EOGT: variants seen among roughly 807,000 people sequenced by gnomAD.
The protein encoded by EOGT is EGF domain-specific O-linked N-acetylglucosamine transferase.
Under a neutral mutation model 70.5 loss-of-function variants are expected in EOGT, and 55 were observed. The ratio of observed to expected loss-of-function variants is 0.78; its 90% CI spans 0.63 to 0.98. EOGT has a LOEUF of 0.98. EOGT is among the 50% of genes least tolerant of loss of function. EOGT has a pLI of 0.00. For synonymous variants in EOGT, 246 were observed against 217.1 expected (o/e 1.13, Z -1.17); for missense variants, 703 against 641.9 (o/e 1.10, Z -1.03).
chr3:68,982,899 A>G (rs770283097), intron 14 of EOGT, 27 bp from the exon 15 acceptor site: 7 of 1,574,090 alleles, frequency 4.4e-6, no homozygotes, highest in Non-Finnish European at 6.1e-6. Flanking sequence ...AACATTTAGC[A>G]TTTCTTTTCC....
At chr3:68,989,282 C>T (rs1389297463) in intron 10 of EOGT, among the ~76,000 whole-genome samples, 1 of 152,154 alleles carries the variant, frequency 6.6e-6, no homozygotes, top group African/African-American at 2.4e-5. Flanking sequence ...CTTTTATTCT[C>T]ACATCTTTGT....
intron 14 of EOGT, 104 bp downstream of exon 14, chr3:68,987,341 T>C (rs1351500311): frequency 7.9e-6 from 7 of 888,956 alleles, no homozygotes; most frequent in Non-Finnish European, 1.2e-5. Flanking sequence ...TTCTCAAAAC[T>C]AAGTTTTAAA....
rs1224938599 is a variant in EOGT, at chr3:68,987,498, C to G, written c.1099G>C (p.Val367Leu). 2 of 1,613,596 alleles carry G rather than the reference C, an allele frequency of 1.2e-6. No homozygotes were observed. Among genetic ancestry groups the G allele is most frequent in the Admixed American group, 1.7e-5 (1 of 59,948 alleles). Reference sequence around the variant, plus strand: ...TCTGTGCTCCGTGCAAGAATGGTGACTCGAATTTTTCCATCCTGTAATCAA... The same window carrying G: ...TCTGTGCTCCGTGCAAGAATGGTGAGTCGAATTTTTCCATCCTGTAATCAA... ...QEGPKDGKIR[V>L]TILARSTEYR... Residue 367 changes from valine (V) to leucine (L), a missense_variant, in exon 14 of 18, where the codon GTC becomes CTC. By Grantham distance (32) the Val-to-Leu change is conservative (BLOSUM62 1). Transcript: ENST00000383701.
chr3:68,978,560 GA>G, intron 16 of EOGT, 125 bp from the exon 17 acceptor site: 1 of 606,128 alleles, frequency 1.6e-6, no homozygotes, highest in African/African-American at 1.9e-5. Flanking sequence ...CAAGACTGAG[GA>G]AGACAGTAAA....
At chr3:68,980,276 T>A (rs1018990720) in intron 15 of EOGT, among the ~76,000 whole-genome samples, 3 of 152,218 alleles carry the variant, frequency 2.0e-5, no homozygotes, top group Non-Finnish European at 4.4e-5. Flanking sequence ...AAGCACTTTT[T>A]AAAAAGAAAC....
chr3:68,996,513 C>T (rs1041121224), intron 10 of EOGT, among the ~76,000 whole-genome samples: 4 of 152,204 alleles, frequency 2.6e-5, no homozygotes, highest in Admixed American at 6.5e-5. Context: ...TCCCTGAGTA[C>T]GCTGACTCCT....
chr3:69,003,714 T>A lies in EOGT; in HGVS notation c.620+664A>T, dbSNP rs185846547. Among the ~76,000 whole-genome samples the A allele has an allele frequency of 1.2e-3, 178 of 152,300 alleles. 1 individual carries two copies. The highest frequency in any genetic ancestry group is 4.2e-3 in the African/African-American group (174 of 41,560). ...AATGATGTTAACAGTCAGAGTAGCA[T>A]CTACCTTTGGAGAGGGGGATGGGGG... On this transcript the variant is annotated intron_variant, in intron 8 of 17. Transcript: ENST00000383701.
chr3:68,977,897 A>C, intron 17 of EOGT, 133 bp from the exon 18 acceptor site: 1 of 833,498 alleles, frequency 1.2e-6, no homozygotes, highest in South Asian at 1.9e-5. Context: ...ACTTTTCCTG[A>C]TAAGGGCCAG....
chr3:68,977,551 G>A lies in EOGT; in HGVS notation c.*67C>T, dbSNP rs1559581700. The stretch of plus-strand genomic sequence containing the variant: ...ATAGGAAATAACAGATTGCTTTACT[G>A]ATTTAATTCTAAGTCTGGGTGTTGG... On this transcript the variant is annotated 3_prime_UTR_variant, in exon 18 of 18. Transcript: ENST00000383701. The A allele has an allele frequency of 6.5e-7, 1 of 1,527,574 alleles. No individual in the cohort carries two copies. Among genetic ancestry groups the A allele is most frequent in the Non-Finnish European group, 9.0e-7 (1 of 1,113,048 alleles). The allele number at this position is 1,527,574 out of a possible 1,614,324, so 94.6% of individuals were successfully genotyped here. A position where few individuals can be genotyped will look rare whatever the true frequency, so the allele number is the denominator to read the frequency against.
rs375321799 is a variant in EOGT, at chr3:68,998,118, G to C, written c.728-4C>G. On this transcript the variant is annotated splice_polypyrimidine_tract_variant and splice_region_variant and intron_variant, in intron 9 of 17. Coordinates refer to ENST00000383701, the MANE Select transcript of EOGT (RefSeq NM_001278689.2). ...AAGTGGTGATACATGTTAACACCTAGTGTTGGAAAATGAAACTACATTAAT... is the reference window on the plus strand; with the variant it reads ...AAGTGGTGATACATGTTAACACCTACTGTTGGAAAATGAAACTACATTAAT... 1.8e-5 allele frequency: 27 copies of C among 1,498,976 alleles called. No individual in the cohort carries two copies. The highest frequency in any genetic ancestry group is 2.4e-5 in the Non-Finnish European group (26 of 1,086,082). The allele number at this position is 1,498,976 out of a possible 1,614,324, so 92.9% of individuals were successfully genotyped here.
chr3:69,007,512 G>C (rs549855932), intron 6 of EOGT, among the ~76,000 whole-genome samples: 2 of 60,432 alleles, frequency 3.3e-5, no homozygotes, highest in East Asian at 1.6e-3. Flanking sequence ...ATTAGCGGGG[G>C]GGGGTGGCAC....
At position 68,977,567 on chromosome 3, in the gene EOGT, TGGGTGTTGG is replaced by T; in HGVS notation, c.*42_*50del. On this transcript the variant is annotated 3_prime_UTR_variant, in exon 18 of 18. Transcript: ENST00000383701. ...TGCTTTACTGATTTAATTCTAAGTC[TGGGTGTTGG>T]AGTGTTTAAACACTCTCTTTTTGCA... The T allele has an allele frequency of 1.3e-6, 2 of 1,576,918 alleles. No homozygotes were observed. Among genetic ancestry groups the T allele is most frequent in the Non-Finnish European group, 1.7e-6 (2 of 1,156,268 alleles).
chr3:68,989,597 A>G (rs776999476), intron 10 of EOGT, among the ~76,000 whole-genome samples: 1 of 151,842 alleles, frequency 6.6e-6, no homozygotes, highest in African/African-American at 2.4e-5. Flanking sequence ...AAAATACAAA[A>G]ATTAGCCAGG....
intron 14 of EOGT, among the ~76,000 whole-genome samples, chr3:68,983,624 C>T (rs9813933): frequency 0.01 from 1,557 of 152,314 alleles, 26 homozygotes; most frequent in African/African-American, 0.036. Flanking sequence ...ATGGTGCTGG[C>T]ATTTCTAAGA....
At chr3:69,007,689 T>C (rs1436295708) in intron 6 of EOGT, 24 bp downstream of exon 6, 6 of 1,416,290 alleles carry the variant, frequency 4.2e-6, no homozygotes, top group Non-Finnish European at 5.9e-6. Flanking sequence ...AACAAGTTTA[T>C]TTAGTAAGGA....
chr3:69,008,554 T>C lies in EOGT; in HGVS notation c.211-26A>G. 2.0e-6 allele frequency: 3 copies of C among 1,524,444 alleles called. No individual in the cohort carries two copies. The Middle Eastern group carries it at 5.1e-4, about 260-fold the overall frequency. 94.4% of individuals were successfully genotyped at this position (1,524,444 alleles called of 1,614,324 possible). A position where few individuals can be genotyped will look rare whatever the true frequency, so the allele number is the denominator to read the frequency against. ...CTAGAACATAAAACTTACATTGATT[T>C]CCCTTCTTCTGACATTTAGAGAAGA... is the stretch of plus-strand genomic sequence containing the variant. On this transcript the variant is annotated intron_variant, in intron 4 of 17. Coordinates refer to ENST00000383701, the MANE Select transcript of EOGT (RefSeq NM_001278689.2).
chr3:69,005,752 T>C (rs73108119), intron 6 of EOGT, among the ~76,000 whole-genome samples: 131 of 152,354 alleles, frequency 8.6e-4, no homozygotes, highest in Non-Finnish European at 1.6e-3. Context: ...ATTTTCTAAA[T>C]AATTGAAGAA....
chr3:68,978,892 C>A (rs974234120), intron 16 of EOGT, among the ~76,000 whole-genome samples: 10 of 152,154 alleles, frequency 6.6e-5, no homozygotes, highest in African/African-American at 1.9e-4. Flanking sequence ...CCTTCTCTCT[C>A]TATAAGAGAA....
chr3:69,001,658 T>C lies in EOGT; in HGVS notation c.677A>G (p.Lys226Arg). ...TGGTTTTTCAATGACAATGTCACAT[T>C]TAGCATCTTCTATAGGTCTGAAGTT... ...QLNFRPIEDAKCDIVIEKPTY... is the reference protein window; with the variant it reads ...QLNFRPIEDARCDIVIEKPTY... The change falls in exon 9 of 18, where the codon AAA becomes AGA. Residue 226 changes from lysine (K) to arginine (R), a missense_variant. Transcript: ENST00000383701. The C allele has an allele frequency of 6.2e-7, 1 of 1,611,534 alleles. No individual in the cohort carries two copies. The highest frequency in any genetic ancestry group is 8.5e-7 in the Non-Finnish European group (1 of 1,179,254).
Sources: gnomAD v4.1 joint callset for allele counts (sites outside exome capture counted in the v4.1 genomes callset) on GRCh38, gnomAD v4.1.1 for gene constraint, MANE v1.5 for transcripts, NCBI Gene and HGNC (gene_info 2026-07-23, HGNC 2026-07-21) for gene names.